Variants in CACNA1D observed in about 807,000 individuals in gnomAD.
CACNA1D encodes the protein voltage-dependent L-type calcium channel subunit alpha-1D.
In CACNA1D, 55 loss-of-function variants were observed where a neutral mutation model predicts 257.1. That is an observed-to-expected ratio of 0.21 (90% CI 0.17 to 0.27). The LOEUF (loss-of-function observed/expected upper bound fraction) is 0.27. CACNA1D is among the 10% of genes least tolerant of loss of function. The pLI is 1.00. For synonymous variants in CACNA1D, 980 were observed against 1,014.9 expected (o/e 0.97, Z 0.65); for missense variants, 1,876 against 2,784.0 (o/e 0.67, Z 7.34).
intron 3 of CACNA1D, among the ~76,000 whole-genome samples, chr3:53,601,202 G>A (rs1008063694): frequency 2.0e-5 from 3 of 152,180 alleles, no homozygotes; most frequent in Admixed American, 1.3e-4. Flanking sequence ...AACCATCGAT[G>A]TGCACAGAGG....
At position 53,800,416 on chromosome 3, in the gene CACNA1D, A is replaced by G; in HGVS notation, c.5040+51A>G. Reference sequence around the variant, plus strand: ...ACTGGCCATCTGGAAATAGCAGGGCAGGACTCCAGTTTGGGCAGTTAATCA... The same window carrying G: ...ACTGGCCATCTGGAAATAGCAGGGCGGGACTCCAGTTTGGGCAGTTAATCA... On this transcript the variant is annotated intron_variant, in intron 41 of 47. Coordinates refer to ENST00000350061, the MANE Select transcript of CACNA1D (RefSeq NM_001128840.3). This position sits in a 1 kb window ranked among gnomAD's most constrained non-coding sequence, Gnocchi z 4.3. 1 of 1,224,670 alleles carries G rather than the reference A, an allele frequency of 8.2e-7. No homozygotes were observed. The highest frequency in any genetic ancestry group is 1.2e-6 in the Non-Finnish European group (1 of 824,262). 75.9% of individuals were successfully genotyped at this position (1,224,670 alleles called of 1,614,324 possible). A position where few individuals can be genotyped will look rare whatever the true frequency, so the allele number is the denominator to read the frequency against.
chr3:53,647,389 C>T (rs745559297), intron 3 of CACNA1D, among the ~76,000 whole-genome samples: 3 of 152,186 alleles, frequency 2.0e-5, no homozygotes, highest in Admixed American at 6.5e-5. Context: ...CCAGGGACGC[C>T]TCATTTCATG....
At chr3:53,607,297 G>T (rs567129344) in intron 3 of CACNA1D, among the ~76,000 whole-genome samples, 2 of 152,316 alleles carry the variant, frequency 1.3e-5, no homozygotes, top group South Asian at 4.1e-4. Context: ...GGGCAAAAGG[G>T]ACTGACTGTG....
At chr3:53,637,681 G>A (rs1229514640) in intron 3 of CACNA1D, among the ~76,000 whole-genome samples, 7 of 152,130 alleles carry the variant, frequency 4.6e-5, no homozygotes, top group Non-Finnish European at 8.8e-5. Flanking sequence ...TAATGGATGA[G>A]AGTGACCTTG....
chr3:53,626,883 T>C (rs2108083188), intron 3 of CACNA1D, among the ~76,000 whole-genome samples: 1 of 152,276 alleles, frequency 6.6e-6, no homozygotes, highest in South Asian at 2.1e-4. Flanking sequence ...GAAACGTCAG[T>C]GTTTTCATCT....
intron 38 of CACNA1D, among the ~76,000 whole-genome samples, chr3:53,780,401 G>A (rs907471241): frequency 4.6e-5 from 7 of 152,240 alleles, no homozygotes; most frequent in Admixed American, 2.0e-4. Flanking sequence ...GAAACAGGCA[G>A]GGTATCGGAG....
rs1490256889 is a variant in CACNA1D at position 53,813,589 on chromosome 3, C to CTAAG, written c.*2185_*2188dup. On this transcript the variant is annotated 3_prime_UTR_variant, in exon 48 of 48. Coordinates refer to ENST00000350061, the MANE Select transcript of CACNA1D (RefSeq NM_001128840.3). ...AGGCCAAAATTGCCAGACCAGGACC[C>CTAAG]TAAGTGTCTGATAGAGGCGATGATC... The CTAAG allele has an allele frequency of 6.6e-6, 1 of 152,204 alleles. No homozygotes were observed. The highest frequency in any genetic ancestry group is 6.5e-5 in the Admixed American group (1 of 15,280). 9.4% of individuals were successfully genotyped at this position (152,204 alleles called of 1,614,324 possible). A position where few individuals can be genotyped will look rare whatever the true frequency, so the allele number is the denominator to read the frequency against.
chr3:53,602,092 A>T (rs1250693247), intron 3 of CACNA1D, among the ~76,000 whole-genome samples: 1 of 152,142 alleles, frequency 6.6e-6, no homozygotes, highest in Non-Finnish European at 1.5e-5. Context: ...ACCCATTAAG[A>T]AGCCTTTCCT....
At chr3:53,762,518 T>C (rs1457644320) in intron 30 of CACNA1D, 2 of 455,868 alleles carry the variant, frequency 4.4e-6, no homozygotes, top group Admixed American at 4.7e-5. Flanking sequence ...GTGCTTCCTC[T>C]CCTCTGTGGC....
chr3:53,612,162 C>G (rs2093590393), intron 3 of CACNA1D, among the ~76,000 whole-genome samples: 1 of 152,122 alleles, frequency 6.6e-6, no homozygotes, highest in African/African-American at 2.4e-5. Flanking sequence ...ATTGCTAATT[C>G]TATTACCTCC....
intron 3 of CACNA1D, among the ~76,000 whole-genome samples, chr3:53,597,747 T>A (rs912263592): frequency 3.3e-5 from 5 of 152,188 alleles, no homozygotes; most frequent in Non-Finnish European, 7.3e-5. Flanking sequence ...GGCCGGCCAC[T>A]GTTTCCTGTC....
At chr3:53,767,992 T>C (rs2095344387) in intron 30 of CACNA1D, among the ~76,000 whole-genome samples, 2 of 152,240 alleles carry the variant, frequency 1.3e-5, no homozygotes, top group Admixed American at 1.3e-4. Flanking sequence ...TGCTGTCTCC[T>C]CTTCCCTTTT....
At chr3:53,632,857 A>G (rs977694182) in intron 3 of CACNA1D, among the ~76,000 whole-genome samples, 1 of 152,264 alleles carries the variant, frequency 6.6e-6, no homozygotes. Flanking sequence ...GTCTCCAAAC[A>G]ATTACAATAG....
intron 39 of CACNA1D, among the ~76,000 whole-genome samples, chr3:53,783,256 G>A (rs187095849): frequency 5.2e-4 from 79 of 152,228 alleles, no homozygotes; most frequent in African/African-American, 1.8e-3. Context: ...AAATGCCCTC[G>A]GAGGGTGTCA....
At chr3:53,548,819 G>T (rs2092469801) in intron 3 of CACNA1D, among the ~76,000 whole-genome samples, 1 of 152,184 alleles carries the variant, frequency 6.6e-6, no homozygotes, top group South Asian at 2.1e-4. Context: ...ACACAGATCT[G>T]TGAGGTGAGC....
At position 53,749,978 on chromosome 3, in the gene CACNA1D, G is replaced by A. The variant is rs143759517; in HGVS notation, c.3516+509G>A. 3.5e-3 allele frequency among the ~76,000 whole-genome samples: 532 copies of A among 152,322 alleles called. 4 individuals are homozygous for A. Among genetic ancestry groups the A allele is most frequent in the African/African-American group, 0.012 (511 of 41,578 alleles). ...GCCAATGGTTCGTCTTCCCCTGGTAGCAGTAACCAAAATGTCTCCAGACAT... is the reference window on the plus strand; with the variant it reads ...GCCAATGGTTCGTCTTCCCCTGGTAACAGTAACCAAAATGTCTCCAGACAT... On this transcript the variant is annotated intron_variant, in intron 27 of 47. Transcript: ENST00000350061.
At chr3:53,779,466 CAG>C (rs1179285796) in intron 37 of CACNA1D, among the ~76,000 whole-genome samples, 3 of 151,850 alleles carry the variant, frequency 2.0e-5, no homozygotes, top group Admixed American at 1.3e-4. Flanking sequence ...TACACACACA[CAG>C]AGGTTTATCA....
chr3:53,747,781 CCATTCATT>C (rs3082680), intron 26 of CACNA1D, among the ~76,000 whole-genome samples: 3,886 of 150,574 alleles, frequency 0.026, 97 homozygotes, highest in East Asian at 0.099. Context: ...GTGTCCCAAA[CCATTCATT>C]CATTCATTCA....
At chr3:53,790,854 A>AT (rs1461140248) in intron 40 of CACNA1D, 9 of 645,404 alleles carry the variant, frequency 1.4e-5, no homozygotes, top group Non-Finnish European at 1.9e-5. Context: ...TTGTTTTGTT[A>AT]TTTTTTTAAA....
Sources: gnomAD v4.1 joint callset for allele counts (sites outside exome capture counted in the v4.1 genomes callset) on GRCh38, gnomAD v4.1.1 for gene constraint, Gnocchi (gnomAD v3.1) non-coding constraint, MANE v1.5 for transcripts, NCBI Gene and HGNC (gene_info 2026-07-23, HGNC 2026-07-21) for gene names.